Variants in ST7 observed in about 807,000 individuals in gnomAD.
ST7 encodes suppression of tumorigenicity 7, also known as suppressor of tumorigenicity 7 protein.
ST7 carries 28 observed loss-of-function variants against 78.7 expected under a neutral mutation model. The observed-to-expected ratio is 0.36, with a 90% CI of 0.26 to 0.49. The LOEUF (loss-of-function observed/expected upper bound fraction) is 0.49, where lower values mean the gene tolerates loss of function less well. Ranked by LOEUF, ST7 falls within the 20% of genes least tolerant of loss-of-function variation. The pLI is 0.99. For missense variants in ST7, 418 were observed against 696.0 expected (o/e 0.60, Z 4.49); for synonymous variants, 247 against 249.6 (o/e 0.99, Z 0.10).
At chr7:116,998,607 C>G (rs1794789546) in intron 1 of ST7, among the ~76,000 whole-genome samples, 1 of 152,236 alleles carries the variant, frequency 6.6e-6, no homozygotes, top group African/African-American at 2.4e-5. Flanking sequence ...TTGTTTAATC[C>G]AGAAACTGAG....
rs1805694176 is a variant in ST7, at chr7:117,145,471, C to T, written c.963+6939C>T. On this transcript the variant is annotated intron_variant, in intron 9 of 15. Coordinates refer to ENST00000323984, the MANE Select transcript of ST7 (RefSeq NM_001369598.1). ...CCCTCTAAAAGCTCTAGGGAGCAAT[C>T]CTTAATTGCCTCTTCCAGCTTCTGG... The T allele has an allele frequency of 2.0e-5, 3 of 152,152 alleles. No homozygotes were observed. The South Asian group carries it at 6.2e-4, about 32-fold the overall frequency. The allele number at this position is 152,152 out of a possible 1,614,324, so 9.4% of individuals were successfully genotyped here. A position where few individuals can be genotyped will look rare whatever the true frequency, so the allele number is the denominator to read the frequency against.
intron 9 of ST7, among the ~76,000 whole-genome samples, chr7:117,145,060 T>G (rs994034380): frequency 6.6e-6 from 1 of 151,842 alleles, no homozygotes; most frequent in Non-Finnish European, 1.5e-5. Context: ...ATTAGCCAGG[T>G]GTGGTAGCAC....
chr7:117,013,421 GAATT>G (rs1795464601), intron 1 of ST7, among the ~76,000 whole-genome samples: 1 of 152,228 alleles, frequency 6.6e-6, no homozygotes, highest in African/African-American at 2.4e-5. Context: ...AAGTTGATGA[GAATT>G]AACAGCTTTT....
chr7:117,030,579 T>C (rs546835935), intron 1 of ST7, among the ~76,000 whole-genome samples: 4 of 152,198 alleles, frequency 2.6e-5, no homozygotes, highest in Admixed American at 2.6e-4. Context: ...AACAAGCATA[T>C]GAAAAAATGG....
chr7:117,225,356 A>G (rs1291272904), intron 15 of ST7, among the ~76,000 whole-genome samples: 3 of 152,158 alleles, frequency 2.0e-5, no homozygotes, highest in African/African-American at 7.2e-5. Context: ...TCAGCTCCCC[A>G]TAGTTTTCAA....
chr7:116,985,786 G>C (rs1373264282), intron 1 of ST7, among the ~76,000 whole-genome samples: 3 of 152,166 alleles, frequency 2.0e-5, no homozygotes, highest in African/African-American at 7.2e-5. Flanking sequence ...TCCACAAATA[G>C]CTGACATAGC....
At chr7:116,995,881 T>C (rs1186356903) in intron 1 of ST7, among the ~76,000 whole-genome samples, 1 of 152,164 alleles carries the variant, frequency 6.6e-6, no homozygotes, top group African/African-American at 2.4e-5. Flanking sequence ...ATTTTAAAAA[T>C]TGTGTTTGGG....
At position 117,135,968 on chromosome 7, in the gene ST7, T is replaced by C. The variant is rs575859066; in HGVS notation, c.711-113T>C. On this transcript the variant is annotated intron_variant, in intron 7 of 15. Transcript: ENST00000323984. ...CTACAAACAGGAGTGCATGAACCAG[T>C]TGGCCACTCTGCATGTTTTGGCGTA... is the stretch of plus-strand genomic sequence containing the variant. The C allele has an allele frequency of 1.6e-5, 17 of 1,087,878 alleles. No individual in the cohort carries two copies. In the Admixed American group the frequency reaches 2.2e-4, roughly 14 times the overall value. The allele number at this position is 1,087,878 out of a possible 1,614,324, so 67.4% of individuals were successfully genotyped here.
At chr7:117,077,000 G>A (rs931782393) in intron 1 of ST7, among the ~76,000 whole-genome samples, 1 of 152,184 alleles carries the variant, frequency 6.6e-6, no homozygotes, top group Non-Finnish European at 1.5e-5. Flanking sequence ...TTTTCTTGAT[G>A]ATGAAAGTGG....
At chr7:117,041,801 T>C (rs1167606568) in intron 1 of ST7, among the ~76,000 whole-genome samples, 1 of 152,182 alleles carries the variant, frequency 6.6e-6, no homozygotes, top group African/African-American at 2.4e-5. Flanking sequence ...GGATATGTTA[T>C]ATTAAATGGC....
intron 5 of ST7, 81 bp downstream of exon 5, chr7:117,130,687 T>C: frequency 1.1e-6 from 1 of 909,324 alleles, no homozygotes; most frequent in Non-Finnish European, 1.7e-6. Context: ...GAATATCCAC[T>C]CTGTAAAACT....
intron 2 of ST7, among the ~76,000 whole-genome samples, chr7:117,112,829 T>C (rs1802542748): frequency 6.6e-6 from 1 of 152,212 alleles, no homozygotes; most frequent in African/African-American, 2.4e-5. Context: ...GAGGGCCAGA[T>C]GGCTGGGGAG....
chr7:117,097,496 G>A (rs918195894), intron 1 of ST7, among the ~76,000 whole-genome samples: 3 of 151,724 alleles, frequency 2.0e-5, no homozygotes, highest in African/African-American at 7.3e-5. Flanking sequence ...CTAATTTTTT[G>A]TATTTTTAGT....
chr7:117,109,923 CAG>C (rs1458569714), intron 2 of ST7, among the ~76,000 whole-genome samples: 1 of 152,044 alleles, frequency 6.6e-6, no homozygotes, highest in East Asian at 1.9e-4. Context: ...ACCATATAAA[CAG>C]AATTAAAAAT....
intron 2 of ST7, among the ~76,000 whole-genome samples, chr7:117,118,676 C>A (rs1451482539): frequency 6.6e-6 from 1 of 151,994 alleles, no homozygotes; most frequent in Admixed American, 6.6e-5. Context: ...TAAGGAAACC[C>A]CCAGTCAGGG....
At chr7:116,971,946 T>C (rs1205652156) in intron 1 of ST7, among the ~76,000 whole-genome samples, 1 of 152,188 alleles carries the variant, frequency 6.6e-6, no homozygotes, top group Non-Finnish European at 1.5e-5. Flanking sequence ...CCCTTAAATG[T>C]TGTTTCCAAA....
chr7:117,031,376 G>GTGTGTATATATA lies in ST7; in HGVS notation c.152-68383_152-68382insGTATATATATGT, dbSNP rs369125825. Among the ~76,000 whole-genome samples, 3 of 98,840 alleles carry GTGTGTATATATA rather than the reference G, an allele frequency of 3.0e-5. 1 individual carries two copies. Among genetic ancestry groups the GTGTGTATATATA allele is most frequent in the Admixed American group, 1.9e-4 (2 of 10,676 alleles). The allele number at this position is 98,840 out of a possible 152,430, so 64.8% of individuals were successfully genotyped here. A position where few individuals can be genotyped will look rare whatever the true frequency, so the allele number is the denominator to read the frequency against. On this transcript the variant is annotated intron_variant, in intron 1 of 15. Coordinates refer to ENST00000323984, the MANE Select transcript of ST7 (RefSeq NM_001369598.1). Reference sequence around the variant, plus strand: ...TAAATGTGTGTGTGTGTGTATATGTGTGTATATATGTGTATATATGTGCAT... The same window carrying GTGTGTATATATA: ...TAAATGTGTGTGTGTGTGTATATGTGTGTGTATATATATGTATATATGTGTATATATGTGCAT...
chr7:117,183,096 GT>G (rs1808912263), intron 10 of ST7, among the ~76,000 whole-genome samples: 1 of 150,766 alleles, frequency 6.6e-6, no homozygotes, highest in Non-Finnish European at 1.5e-5. Context: ...AAGATTTTAG[GT>G]TTTTTTGTTT....
At chr7:116,989,048 A>T (rs904660326) in intron 1 of ST7, among the ~76,000 whole-genome samples, 3 of 152,220 alleles carry the variant, frequency 2.0e-5, no homozygotes, top group Non-Finnish European at 4.4e-5. Context: ...CACATATGAA[A>T]TTCTAGAAGA....
Sources: allele counts gnomAD v4.1 joint callset (sites outside exome capture counted in the v4.1 genomes callset), GRCh38; gene constraint gnomAD v4.1.1; transcripts MANE v1.5; gene names NCBI Gene and HGNC (gene_info 2026-07-23, HGNC 2026-07-21).